The following ZBTB20 variants were observed in gnomAD, a reference collection of about 807,000 sequenced individuals.
The protein encoded by ZBTB20 is zinc finger and BTB domain-containing protein 20.
In ZBTB20, 9 loss-of-function variants were observed where a neutral mutation model predicts 56.9. That is an observed-to-expected ratio of 0.16 (90% confidence interval 0.10 to 0.28). The LOEUF is 0.28. ZBTB20 is among the 10% of genes least tolerant of loss of function. ZBTB20 has a pLI of 1.00. For synonymous variants in ZBTB20, 417 were observed against 420.7 expected (o/e 0.99, Z 0.11); for missense variants, 655 against 1,003.0 (o/e 0.65, Z 4.69).
rs2079595633 is a variant in ZBTB20, at chr3:115,009,177, C to T, written c.-506-34761G>A. On this transcript the variant is annotated intron_variant, in intron 2 of 11. Transcript: ENST00000675478. ...ATGTATTCTTCAAATTTTTTTAATG[C>T]TATATATTTTTGTTCTGTATTATTT... Among the ~76,000 whole-genome samples the T allele has an allele frequency of 2.0e-5, 3 of 151,446 alleles. No individual in the cohort carries two copies. The South Asian group carries it at 6.2e-4, about 31-fold the overall frequency.
chr3:114,836,642 C>A (rs576047200), intron 4 of ZBTB20, among the ~76,000 whole-genome samples: 1 of 152,146 alleles, frequency 6.6e-6, no homozygotes, highest in African/African-American at 2.4e-5. Context: ...TTGCCTCACC[C>A]ACCACATCTA....
intron 4 of ZBTB20, among the ~76,000 whole-genome samples, chr3:114,810,020 G>T (rs547511938): frequency 1.3e-5 from 2 of 152,304 alleles, no homozygotes; most frequent in African/African-American, 4.8e-5. Flanking sequence ...GTCAGCCAAC[G>T]ATCAGTCACA....
In ZBTB20 at chr3:114,854,332, A is replaced by G. The variant is rs567699906; in HGVS notation, c.-417+45972T>C. On this transcript the variant is annotated intron_variant, in intron 4 of 11. Coordinates refer to ENST00000675478, the MANE Select transcript of ZBTB20 (RefSeq NM_001348800.3). Reference sequence around the variant, plus strand: ...ACTATCAAAGATAATAGAGGCTAACAGGGAAGTTATATAAATACTTTCATG... The same window carrying G: ...ACTATCAAAGATAATAGAGGCTAACGGGGAAGTTATATAAATACTTTCATG... 2.4e-4 allele frequency among the ~76,000 whole-genome samples: 37 copies of G among 151,560 alleles called. No homozygotes were observed. In the South Asian group the frequency reaches 7.2e-3, roughly 30 times the overall value.
intron 6 of ZBTB20, among the ~76,000 whole-genome samples, chr3:114,640,687 T>C (rs1343834751): frequency 6.6e-6 from 1 of 152,048 alleles, no homozygotes; most frequent in Non-Finnish European, 1.5e-5. Context: ...AAAAAGTTAG[T>C]CATAACACCA....
chr3:115,130,609 A>G (rs1365028244), intron 1 of ZBTB20, among the ~76,000 whole-genome samples: 3 of 152,356 alleles, frequency 2.0e-5, no homozygotes, highest in African/African-American at 4.8e-5. Context: ...TTAAGAGAAC[A>G]TGTAGAAAAT....
Position 114,413,004 on chromosome 3 carries a change from G to T in ZBTB20, c.-254-23899C>A, listed in dbSNP as rs527909692. The stretch of plus-strand genomic sequence containing the variant: ...TTCTGTTTTGAGCCCAGAGCATAGA[G>T]TGTAATTTTGATAGAGGAAGGGGAG... On this transcript the variant is annotated intron_variant, in intron 7 of 11. Coordinates refer to ENST00000675478, the MANE Select transcript of ZBTB20 (RefSeq NM_001348800.3). 1.2e-4 allele frequency among the ~76,000 whole-genome samples: 18 copies of T among 152,206 alleles called. 1 individual carries two copies. The highest frequency in any genetic ancestry group is 4.1e-4 in the African/African-American group (17 of 41,538).
chr3:114,612,021 A>C (rs1013680137), intron 6 of ZBTB20, among the ~76,000 whole-genome samples: 3 of 152,138 alleles, frequency 2.0e-5, no homozygotes, highest in African/African-American at 7.2e-5. Flanking sequence ...TTCTAGTTTC[A>C]CTACTTCCTG....
intron 3 of ZBTB20, chr3:114,900,548 C>G (rs1056597597): frequency 6.2e-4 from 94 of 151,302 alleles, no homozygotes; most frequent in African/African-American, 2.2e-3. Flanking sequence ...CACACACACA[C>G]AGAGTCCCTT....
At chr3:114,455,451 C>T (rs1484281926) in intron 7 of ZBTB20, among the ~76,000 whole-genome samples, 3 of 152,062 alleles carry the variant, frequency 2.0e-5, no homozygotes, top group Non-Finnish European at 2.9e-5. Context: ...GGAGTTTTCT[C>T]CTCTAGTTTT....
At chr3:114,381,343 T>C (rs994401487) in intron 8 of ZBTB20, among the ~76,000 whole-genome samples, 19 of 152,170 alleles carry the variant, frequency 1.2e-4, no homozygotes, top group African/African-American at 4.3e-4. Context: ...TTGTTACTAA[T>C]TGTTATATGG....
In ZBTB20 at chr3:114,334,600, T is replaced by C. The variant is rs2079385907; in HGVS notation, c.*4405A>G. 6.6e-6 allele frequency: 1 copy of C among 152,178 alleles called. No homozygotes were observed. The highest frequency in any genetic ancestry group is 2.1e-4 in the South Asian group (1 of 4,826). The allele number at this position is 152,178 out of a possible 1,614,324, so 9.4% of individuals were successfully genotyped here. A position where few individuals can be genotyped will look rare whatever the true frequency, so the allele number is the denominator to read the frequency against. ...GGTTGAAAAAGAGTATTTGGGACCT[T>C]ATAGAATATTTTGATGATACAAAAT... On this transcript the variant is annotated 3_prime_UTR_variant, in exon 12 of 12. Coordinates refer to ENST00000675478, the MANE Select transcript of ZBTB20 (RefSeq NM_001348800.3).
chr3:114,813,766 C>CA (rs1309945008), intron 4 of ZBTB20, among the ~76,000 whole-genome samples: 2 of 151,896 alleles, frequency 1.3e-5, no homozygotes, highest in Non-Finnish European at 2.9e-5. Context: ...ATAACAATAA[C>CA]AAAAAATAGT....
At position 114,753,415 on chromosome 3, in the gene ZBTB20, A is replaced by ACG. The variant is rs749565054; in HGVS notation, c.-343+47685_-343+47686insCG. On this transcript the variant is annotated intron_variant, in intron 5 of 11. Coordinates refer to ENST00000675478, the MANE Select transcript of ZBTB20 (RefSeq NM_001348800.3). ...TGTATGTATATATATACACACACGT[A>ACG]TATATATATATATATATACACACAC... Among the ~76,000 whole-genome samples the ACG allele has an allele frequency of 0.027, 578 of 21,444 alleles. 146 individuals carry two copies. The East Asian group carries it at 0.31, about 11-fold the overall frequency. The allele number at this position is 21,444 out of a possible 152,430, so 14.1% of individuals were successfully genotyped here. A position where few individuals can be genotyped will look rare whatever the true frequency, so the allele number is the denominator to read the frequency against.
intron 5 of ZBTB20, among the ~76,000 whole-genome samples, chr3:114,703,433 A>G (rs929998752): frequency 2.6e-5 from 4 of 152,158 alleles, no homozygotes; most frequent in Non-Finnish European, 5.9e-5. Context: ...TGTTCCTACA[A>G]CAAGCTGAAG....
chr3:114,849,730 T>C (rs1406311012), intron 4 of ZBTB20, among the ~76,000 whole-genome samples: 1 of 152,098 alleles, frequency 6.6e-6, no homozygotes, highest in Non-Finnish European at 1.5e-5. Flanking sequence ...ACAGATTATA[T>C]ACACATGCAT....
At chr3:114,981,508 A>G (rs1042353796) in intron 2 of ZBTB20, among the ~76,000 whole-genome samples, 1 of 152,084 alleles carries the variant, frequency 6.6e-6, no homozygotes, top group Non-Finnish European at 1.5e-5. Context: ...GTAACAATAG[A>G]AGGCAGAGTC....
chr3:114,906,832 C>T (rs2075337230), intron 3 of ZBTB20, among the ~76,000 whole-genome samples: 1 of 151,004 alleles, frequency 6.6e-6, no homozygotes, highest in African/African-American at 2.4e-5. Flanking sequence ...AGGGTTAATA[C>T]ATAAAAAAAA....
At chr3:114,610,882 C>G (rs1298894729) in intron 6 of ZBTB20, among the ~76,000 whole-genome samples, 1 of 152,010 alleles carries the variant, frequency 6.6e-6, no homozygotes, top group Non-Finnish European at 1.5e-5. Context: ...AACATAGCAA[C>G]GTGTACACAC....
chr3:114,731,899 G>C (rs1484541374), intron 5 of ZBTB20, among the ~76,000 whole-genome samples: 1 of 151,374 alleles, frequency 6.6e-6, no homozygotes, highest in Non-Finnish European at 1.5e-5. Flanking sequence ...TAATCCGGCT[G>C]TGCCTAGATT....
Sources: gnomAD v4.1 joint callset for allele counts (sites outside exome capture counted in the v4.1 genomes callset) on GRCh38, gnomAD v4.1.1 for gene constraint, MANE v1.5 for transcripts, NCBI Gene and HGNC (gene_info 2026-07-23, HGNC 2026-07-21) for gene names.